The following TTN variants were observed in gnomAD, a reference collection of about 807,000 sequenced individuals.
The protein encoded by TTN is connectin.
A neutral mutation model predicts 3,223.0 loss-of-function variants in TTN; 1,525 were observed. The ratio of observed to expected loss-of-function variants is 0.47; its 90% confidence interval spans 0.45 to 0.49. The LOEUF is 0.49. TTN is among the 20% of genes least tolerant of loss of function. The pLI is 0.00. For missense variants in TTN, 40,786 were observed against 43,424.0 expected (o/e 0.94, Z 5.40); for synonymous variants, 14,094 against 15,161.0 (o/e 0.93, Z 5.17).
chr2:178,727,696 T>G lies in TTN; in HGVS notation c.19882A>C (p.Thr6628Pro). Residue 6628 changes from threonine (T) to proline (P), a missense_variant, in exon 68 of 363, where the codon ACT becomes CCT. By Grantham distance (38) the Thr-to-Pro change is conservative. Coordinates refer to ENST00000589042, the MANE Select transcript of TTN (RefSeq NM_001267550.2). ...PKCFIGLEGS[T>P]SFLNLYSVDA... ...ACTGAGTAGAGATTTAAGAAGCTAG[T>G]CGACCCTTCCAAGCCAATGAAACAT... is the stretch of plus-strand genomic sequence containing the variant. The G allele has an allele frequency of 3.1e-6, 5 of 1,613,322 alleles. No individual in the cohort carries two copies. The highest frequency in any genetic ancestry group is 4.2e-6 in the Non-Finnish European group (5 of 1,179,438).
chr2:178,749,512 G>T, intron 47 of TTN: 1 of 1,612,832 alleles, frequency 6.2e-7, no homozygotes, highest in Non-Finnish European at 8.5e-7. Flanking sequence ...CATTTGTCCA[G>T]GGAGTAAAGG....
chr2:178,585,377 T>G lies in TTN; in HGVS notation c.64397-30A>C, dbSNP rs73036388. The G allele has an allele frequency of 2.1e-3, 3,244 of 1,535,936 alleles. 52 individuals are homozygous for G. The African/African-American group carries it at 0.033, about 15-fold the overall frequency. ...AAGTAAAATGAAAAGATATTAATTT[T>G]GGGAAGGTGGATAAGTTTCTTCTGG... On this transcript the variant is annotated intron_variant, in intron 308 of 362. Transcript: ENST00000589042.
rs794729275 is a variant in TTN at position 178,595,585 on chromosome 2, G to A, written c.57769C>T (p.Arg19257Ter). Residue 19257 changes from arginine to a stop codon, truncating the protein, a stop_gained, in exon 295 of 363, where the codon CGA (arginine) becomes TGA (stop). Transcript: ENST00000589042. LOFTEE classifies it high-confidence loss of function. Reference sequence around the variant, plus strand: ...CCAATACTATTTTCAGCCGCAATTCGGAAAAAGTAGGCTTTTCCTTGAATG... The same window carrying A: ...CCAATACTATTTTCAGCCGCAATTCAGAAAAAGTAGGCTTTTCCTTGAATG... ...GLIQGKAYFF[R>*]IAAENSIGMG... is the part of the protein sequence containing the mutation. The A allele has an allele frequency of 3.2e-6, 5 of 1,581,254 alleles. No homozygotes were observed. The highest frequency in any genetic ancestry group is 2.6e-6 in the Non-Finnish European group (3 of 1,162,194).
intron 47 of TTN, chr2:178,747,622 C>T (rs1304327169): frequency 1.2e-6 from 2 of 1,613,142 alleles, no homozygotes; most frequent in Non-Finnish European, 1.7e-6. Context: ...CAAGCTTTGC[C>T]TGGTCTCTGG....
In TTN at chr2:178,679,906, T is replaced by C; in HGVS notation, c.33568A>G (p.Ile11190Val). Residue 11190 changes from isoleucine (I) to valine (V), a missense_variant, in exon 140 of 363, where the codon ATA (isoleucine) becomes GTA (valine). Coordinates refer to ENST00000589042, the MANE Select transcript of TTN (RefSeq NM_001267550.2). Reference sequence around the variant, plus strand: ...AGGCATCATCTACCTTTGACTGGTATCACTGGCACCACTTCTTCCTCAGTT... The same window carrying C: ...AGGCATCATCTACCTTTGACTGGTACCACTGGCACCACTTCTTCCTCAGTT... ...FITEEEVVPV[I>V]PVKVPEVPRK... 1 of 1,613,090 alleles carries C rather than the reference T, an allele frequency of 6.2e-7. No individual in the cohort carries two copies. The highest frequency in any genetic ancestry group is 8.5e-7 in the Non-Finnish European group (1 of 1,179,358).
Position 178,711,976 on chromosome 2 carries a change from T to G in TTN, c.27854A>C (p.Glu9285Ala), listed in dbSNP as rs1560573999. The G allele has an allele frequency of 6.2e-7, 1 of 1,605,588 alleles. No individual in the cohort carries two copies. The highest frequency in any genetic ancestry group is 8.5e-7 in the Non-Finnish European group (1 of 1,174,790). ...YICKAENSVG[E>A]VSASTFLTVQ... is the part of the protein sequence containing the mutation. The stretch of plus-strand genomic sequence containing the variant: ...GGTAAGGAAAGTTGATGCAGAAACT[T>G]CTCCCACGCTGTTTTCAGCTTTGCA... The change falls in exon 96 of 363, where the codon GAA becomes GCA. Residue 9285 changes from glutamate (E) to alanine (A), a missense_variant. By Grantham distance (107) the Glu-to-Ala change is moderately radical. Transcript: ENST00000589042.
chr2:178,694,498 G>A, intron 117 of TTN, 101 bp downstream of exon 117: 1 of 750,516 alleles, frequency 1.3e-6, no homozygotes, highest in Non-Finnish European at 2.1e-6. Flanking sequence ...GCTGTTTTTG[G>A]TCGTTTCAGA....
Position 178,559,325 on chromosome 2 carries a change from C to A in TTN, c.86807G>T (p.Gly28936Val). 1.9e-6 allele frequency: 3 copies of A among 1,591,180 alleles called. No individual in the cohort carries two copies. The highest frequency in any genetic ancestry group is 2.6e-6 in the Non-Finnish European group (3 of 1,168,518). Residue 28936 changes from glycine to valine, a missense_variant, in exon 326 of 363, where the codon GGA (glycine) becomes GTA (valine). Coordinates refer to ENST00000589042, the MANE Select transcript of TTN (RefSeq NM_001267550.2). ...GVGIPAETKEGVKITEKPSPP... is the reference protein window; with the variant it reads ...GVGIPAETKEVVKITEKPSPP... ...TTAAAACATACCTGTTATTTTTACT[C>A]CTTCCTTTGTTTCAGCTGGTATACC...
Position 178,602,395 on chromosome 2 carries a change from A to T in TTN, c.55007T>A (p.Val18336Glu). ...DKLITTCECV[V>E]PNLKELRKYR... ...CTTCCTGAGCTCTTTCAGATTAGGC[A>T]CCACACATTCACAGGTAGTTATAAG... Residue 18336 changes from valine (V) to glutamate (E), a missense_variant, in exon 283 of 363, where the codon GTG becomes GAG. Val to Glu is a moderately radical substitution (Grantham distance 121, BLOSUM62 -2). Transcript: ENST00000589042. 6.2e-7 allele frequency: 1 copy of T among 1,612,812 alleles called. No homozygotes were observed. Among genetic ancestry groups the T allele is most frequent in the African/African-American group, 1.3e-5 (1 of 74,962 alleles).
In TTN at chr2:178,616,990, C is replaced by A; in HGVS notation, c.47899G>T (p.Ala15967Ser). Reference protein sequence around the residue: ...AFVEPTMDLSAFKDGLEVIVP... With the variant: ...AFVEPTMDLSSFKDGLEVIVP... ...ATAACTTCCAGACCATCTTTAAATGCACTTAAATCCATTGTTGGTTCAACT... is the reference window on the plus strand; with the variant it reads ...ATAACTTCCAGACCATCTTTAAATGAACTTAAATCCATTGTTGGTTCAACT... Residue 15967 changes from alanine to serine, a missense_variant, in exon 256 of 363, where the codon GCA becomes TCA. Coordinates refer to ENST00000589042, the MANE Select transcript of TTN (RefSeq NM_001267550.2). The A allele has an allele frequency of 6.2e-7, 1 of 1,612,530 alleles. No homozygotes were observed. Among genetic ancestry groups the A allele is most frequent in the Non-Finnish European group, 8.5e-7 (1 of 1,179,052 alleles).
rs768971707 is a variant in TTN, at chr2:178,724,534, G to C, written c.20841C>G (p.Pro6947=). 6.3e-7 allele frequency: 1 copy of C among 1,582,682 alleles called. No homozygotes were observed. The highest frequency in any genetic ancestry group is 8.6e-7 in the Non-Finnish European group (1 of 1,161,884). ...ENMATLMVLE[P]AVIVEKAGPM... ...GTCCTGCCTTCTCAACAATGACTGCGGGCTCTGAAATAAAACGTGATATCC... is the reference window on the plus strand; with the variant it reads ...GTCCTGCCTTCTCAACAATGACTGCCGGCTCTGAAATAAAACGTGATATCC... Residue 6947 remains proline (P), a synonymous_variant, in exon 72 of 363, where the codon CCC becomes CCG. Coordinates refer to ENST00000589042, the MANE Select transcript of TTN (RefSeq NM_001267550.2).
At chr2:178,544,545 A>G (rs1696123834) in intron 344 of TTN, 39 bp from the exon 345 acceptor site, 1 of 1,525,802 alleles carries the variant, frequency 6.6e-7, no homozygotes. Context: ...TATTAGGCAA[A>G]TAAGGAAATG....
At chr2:178,691,573 T>C (rs2072462626) in intron 121 of TTN, among the ~76,000 whole-genome samples, 1 of 152,218 alleles carries the variant, frequency 6.6e-6, no homozygotes, top group East Asian at 1.9e-4. Flanking sequence ...TGTACGTCTT[T>C]ATGTAATTAA....
chr2:178,749,026 A>G lies in TTN; in HGVS notation c.11311+4098T>C, dbSNP rs397517809. 34 of 1,612,600 alleles carry G rather than the reference A, an allele frequency of 2.1e-5. No homozygotes were observed. Among genetic ancestry groups the G allele is most frequent in the Non-Finnish European group, 2.6e-5 (31 of 1,179,316 alleles). On this transcript the variant is annotated intron_variant, in intron 47 of 362. Transcript: ENST00000589042. ...GTAATTTTTCAAATTCGATAATTCT[A>G]TGCTTCACCTTTTTCCCCGGGTAGT...
At chr2:178,577,565 TAA>T (rs148238009) in intron 323 of TTN, 35 bp downstream of exon 323, 3 of 1,432,290 alleles carry the variant, frequency 2.1e-6, no homozygotes, top group Non-Finnish European at 1.9e-6. Context: ...TAATTTGCTT[TAA>T]AAAAAAAAGT....
intron 140 of TTN, 43 bp from the exon 141 acceptor site, chr2:178,679,725 G>T (rs543240422): frequency 3.2e-6 from 5 of 1,568,806 alleles, no homozygotes; most frequent in East Asian, 4.5e-5. Context: ...TTGCAGGAAA[G>T]AAATAAAATG....
intron 86 of TTN, 30 bp from the exon 87 acceptor site, chr2:178,717,840 T>C: frequency 6.3e-7 from 1 of 1,583,114 alleles, no homozygotes; most frequent in Non-Finnish European, 8.6e-7. Flanking sequence ...AATCCTTATT[T>C]ACAGGTGAGA....
In TTN at chr2:178,768,146, A is replaced by C; in HGVS notation, c.9173T>G (p.Ile3058Arg). The C allele has an allele frequency of 6.2e-7, 1 of 1,614,054 alleles. No homozygotes were observed. The highest frequency in any genetic ancestry group is 1.1e-5 in the South Asian group (1 of 91,078). The change falls in exon 39 of 363, where the codon ATA becomes AGA. Residue 3058 changes from isoleucine (I) to arginine (R), a missense_variant. Transcript: ENST00000589042. The stretch of plus-strand genomic sequence containing the variant: ...GTCCTTAATGTGTTTCCTAAATTCT[A>C]TATGACGAGCTGGAAAATAGCATGT... ...TATLYVEARHIEFRKHIKDIK... is the reference protein window; with the variant it reads ...TATLYVEARHREFRKHIKDIK...
Position 178,527,323 on chromosome 2 carries a change from A to AC in TTN, c.107681-17dup. On this transcript the variant is annotated splice_polypyrimidine_tract_variant and intron_variant, in intron 362 of 362. Transcript: ENST00000589042. ...GGCGGAATTCCTTTATGGAACAATGACAAAAAAAAGGTCTTAGAATCACTG... is the reference window on the plus strand; with the variant it reads ...GGCGGAATTCCTTTATGGAACAATGACCAAAAAAAAGGTCTTAGAATCACTG... 6.3e-7 allele frequency: 1 copy of AC among 1,579,434 alleles called. No individual in the cohort carries two copies. Among genetic ancestry groups the AC allele is most frequent in the Non-Finnish European group, 8.6e-7 (1 of 1,163,608 alleles).
Sources: gnomAD v4.1 joint callset for allele counts (sites outside exome capture counted in the v4.1 genomes callset) on GRCh38, gnomAD v4.1.1 for gene constraint, MANE v1.5 for transcripts, NCBI Gene and HGNC (gene_info 2026-07-23, HGNC 2026-07-21) for gene names.